The following GANAB variants were observed in gnomAD, a reference collection of about 807,000 sequenced individuals.
GANAB encodes the protein glucosidase II alpha subunit, also known as neutral alpha-glucosidase AB.
Under a neutral mutation model 129.9 loss-of-function variants are expected in GANAB, and 35 were observed. That is an observed-to-expected ratio of 0.27 (90% confidence interval 0.21 to 0.36). The LOEUF is 0.36. Ranked by LOEUF, GANAB falls within the 10% of genes least tolerant of loss-of-function variation. GANAB has a pLI of 1.00. For synonymous variants in GANAB, 482 were observed against 451.8 expected (o/e 1.07, Z -0.85); for missense variants, 939 against 1,221.0 (o/e 0.77, Z 3.44).
intron 17 of GANAB, 81 bp downstream of exon 17, chr11:62,628,688 A>G: frequency 1.4e-6 from 2 of 1,437,458 alleles, no homozygotes; most frequent in Non-Finnish European, 1.9e-6. Flanking sequence ...TGAGTGAAGA[A>G]AGAGACCCAG....
At chr11:62,629,498 C>A in intron 15 of GANAB, 90 bp downstream of exon 15, 1 of 912,770 alleles carries the variant, frequency 1.1e-6, no homozygotes, top group Non-Finnish European at 1.7e-6. Context: ...GTGTGTGGCT[C>A]CCATTCCTCA....
chr11:62,627,098 A>G lies in GANAB; in HGVS notation c.2272T>C (p.Ser758Pro), dbSNP rs1461875414. The change falls in exon 19 of 24, where the codon TCA (serine) becomes CCA (proline). Residue 758 changes from serine to proline, a missense_variant. This residue lies in a region of GANAB where 230 missense variants were observed against 259.9 expected (regional missense o/e 0.89). Coordinates refer to ENST00000356638, the MANE Select transcript of GANAB (RefSeq NM_198334.3). ...LGDALLVHPV[S>P]DSGAHGVQVY... is the part of the protein sequence containing the mutation. ...TGGACACCATGGGCTCCAGAGTCTG[A>G]TACAGGGTGAACCAGCAACGCATCC... The G allele has an allele frequency of 3.7e-6, 6 of 1,613,852 alleles. No individual in the cohort carries two copies. Among genetic ancestry groups the G allele is most frequent in the Non-Finnish European group, 5.1e-6 (6 of 1,179,860 alleles).
Position 62,630,514 on chromosome 11 carries a change from A to G in GANAB, c.1387-9T>C. On this transcript the variant is annotated splice_polypyrimidine_tract_variant and intron_variant, in intron 11 of 23. Coordinates refer to ENST00000356638, the MANE Select transcript of GANAB (RefSeq NM_198334.3). The stretch of plus-strand genomic sequence containing the variant: ...TCTACGATGGCCACCAGCTGGGGGC[A>G]AGGAACAGGGGTGTTCAGGTCTCTT... 6.2e-7 allele frequency: 1 copy of G among 1,614,190 alleles called. No homozygotes were observed. Among genetic ancestry groups the G allele is most frequent in the Non-Finnish European group, 8.5e-7 (1 of 1,180,034 alleles).
At chr11:62,638,242 C>T (rs1944038009) in intron 4 of GANAB, among the ~76,000 whole-genome samples, 1 of 152,144 alleles carries the variant, frequency 6.6e-6, no homozygotes, top group Admixed American at 6.5e-5. Flanking sequence ...CAACCTCTGC[C>T]TCCTGGGTTC....
chr11:62,636,938 TA>T (rs1565104239), intron 4 of GANAB, among the ~76,000 whole-genome samples: 5 of 151,798 alleles, frequency 3.3e-5, no homozygotes, highest in South Asian at 2.1e-4. Context: ...AAAATATATA[TA>T]TATATATTTT....
At chr11:62,634,287 A>C in intron 5 of GANAB, 3 of 1,495,864 alleles carry the variant, frequency 2.0e-6, no homozygotes, top group Non-Finnish European at 2.8e-6. Flanking sequence ...GAACAGATAC[A>C]GTACCGGTGG....
chr11:62,626,652 C>T lies in GANAB; in HGVS notation c.2430G>A (p.Val810=). 2 of 1,609,570 alleles carry T rather than the reference C, an allele frequency of 1.2e-6. No homozygotes were observed. Among genetic ancestry groups the T allele is most frequent in the Non-Finnish European group, 1.7e-6 (2 of 1,177,344 alleles). The change falls in exon 21 of 24, where the codon GTG becomes GTA. Residue 810 remains valine, a synonymous_variant. Transcript: ENST00000356638. ...ACCGCCGCACTCGCATCCATCGAGG[C>T]ACGATTGTCCCTCCACGCTGGAACA... ...IPVFQRGGTI[V]PRWMRVRRSS...
rs756343398 is a variant in GANAB, at chr11:62,629,314, G to A, written c.1835-19C>T. 1.3e-6 allele frequency: 2 copies of A among 1,541,088 alleles called. No individual in the cohort carries two copies. Among genetic ancestry groups the A allele is most frequent in the East Asian group, 2.2e-5 (1 of 44,486 alleles). On this transcript the variant is annotated intron_variant, in intron 15 of 23. Transcript: ENST00000356638. ...ACGGCTCCTGAGGAAGACAAGAAGT[G>A]GGGAGCTTGCACATGGTAAAGGAGT...
At chr11:62,637,288 T>C (rs78406554) in intron 4 of GANAB, among the ~76,000 whole-genome samples, 1 of 152,278 alleles carries the variant, frequency 6.6e-6, no homozygotes, top group African/African-American at 2.4e-5. Context: ...GTCATATTAA[T>C]AATAGGGAAG....
At chr11:62,627,734 CA>C (rs1003904575) in intron 17 of GANAB, among the ~76,000 whole-genome samples, 52 of 139,418 alleles carry the variant, frequency 3.7e-4, no homozygotes, top group Admixed American at 5.1e-4. Flanking sequence ...GACTTTGTCT[CA>C]AAAAAAAAAA....
intron 15 of GANAB, 124 bp from the exon 16 acceptor site, chr11:62,629,419 T>C (rs946358791): frequency 2.3e-5 from 19 of 840,462 alleles, no homozygotes; most frequent in African/African-American, 2.0e-4. Flanking sequence ...ACAAGAACAT[T>C]TGAACAAGGA....
In GANAB at chr11:62,632,688, G is replaced by T. The variant is rs770058273; in HGVS notation, c.873C>A (p.Asn291Lys). The T allele has an allele frequency of 3.1e-6, 5 of 1,613,730 alleles. No individual in the cohort carries two copies. The South Asian group carries it at 5.5e-5, about 18-fold the overall frequency. Residue 291 changes from asparagine to lysine, a missense_variant, in exon 9 of 24, where the codon AAC (asparagine) becomes AAA (lysine). Physicochemically the swap from Asn to Lys is moderately conservative, Grantham distance 94 (BLOSUM62 0). Transcript: ENST00000356638. Reference protein sequence around the residue: ...NLDVFQYELYNPMALYGSVPV... With the variant: ...NLDVFQYELYKPMALYGSVPV... ...GCACAGACCCATACAAGGCCATTGG[G>T]TTGTACAGCTCATACTGGAACACAT... is the stretch of plus-strand genomic sequence containing the variant.
At chr11:62,638,615 GA>G (rs1456025264) in intron 4 of GANAB, among the ~76,000 whole-genome samples, 1 of 68,442 alleles carries the variant, frequency 1.5e-5, no homozygotes, top group Non-Finnish European at 4.2e-5. Flanking sequence ...AGGAAGGAAG[GA>G]AGGAAGGAAG....
chr11:62,627,750 A>G (rs1461096134), intron 17 of GANAB, among the ~76,000 whole-genome samples: 1 of 152,114 alleles, frequency 6.6e-6, no homozygotes, highest in Non-Finnish European at 1.5e-5. Context: ...AAAAAAGAAA[A>G]GAAAAGAACA....
intron 5 of GANAB, chr11:62,633,931 T>C (rs1349375177): frequency 2.8e-6 from 1 of 360,716 alleles, no homozygotes; most frequent in South Asian, 3.7e-5. Flanking sequence ...GGTCATACTA[T>C]ACCAAGCCTC....
chr11:62,626,175 G>A lies in GANAB; in HGVS notation c.2625-10C>T. The A allele has an allele frequency of 1.3e-6, 2 of 1,582,750 alleles. No homozygotes were observed. Among genetic ancestry groups the A allele is most frequent in the Non-Finnish European group, 1.7e-6 (2 of 1,151,246 alleles). On this transcript the variant is annotated splice_polypyrimidine_tract_variant and intron_variant, in intron 22 of 23. Coordinates refer to ENST00000356638, the MANE Select transcript of GANAB (RefSeq NM_198334.3). ...TTCAGGGTCTGCTGAGCTGGAGATG[G>A]TAAAAGCAGATGTCCATCAGGGGGA...
At chr11:62,626,230 C>T (rs1943367601) in intron 22 of GANAB, 65 bp from the exon 23 acceptor site, 1 of 1,382,906 alleles carries the variant, frequency 7.2e-7, no homozygotes, top group African/African-American at 1.4e-5. Flanking sequence ...AAGGAGGAGA[C>T]CCAAAGCAAG....
chr11:62,634,577 C>G, intron 5 of GANAB: 3 of 616,108 alleles, frequency 4.9e-6, no homozygotes, highest in South Asian at 2.0e-5. Context: ...GACACAGACC[C>G]AGGCAGGCCT....
intron 1 of GANAB, among the ~76,000 whole-genome samples, chr11:62,640,227 A>AC (rs1277417710): frequency 4.1e-5 from 3 of 72,364 alleles, no homozygotes; most frequent in East Asian, 3.0e-4. Context: ...ACAGAGCTAG[A>AC]CAAAAAAAAA....
Sources: gnomAD v4.1 joint callset for allele counts (sites outside exome capture counted in the v4.1 genomes callset) on GRCh38, gnomAD v4.1.1 for gene constraint, gnomAD v4.1.1 regional missense constraint, MANE v1.5 for transcripts, NCBI Gene and HGNC (gene_info 2026-07-23, HGNC 2026-07-21) for gene names.